The following DCBLD2 variants were observed in gnomAD, a reference collection of about 807,000 sequenced individuals.
DCBLD2 encodes the protein discoidin, CUB and LCCL domain containing 2.
A neutral mutation model predicts 86.8 loss-of-function variants in DCBLD2; 54 were observed. That is an observed-to-expected ratio of 0.62 (90% CI 0.50 to 0.78). The LOEUF (loss-of-function observed/expected upper bound fraction) is 0.78. Ranked by LOEUF, DCBLD2 falls within the 30% of genes least tolerant of loss-of-function variation. The probability of loss-of-function intolerance (pLI) is 0.00; values close to 1 mark genes in which losing one functional copy is unlikely to be tolerated. For synonymous variants in DCBLD2, 354 were observed against 341.3 expected (o/e 1.04, Z -0.41); for missense variants, 908 against 954.2 (o/e 0.95, Z 0.64).
At chr3:98,835,938 C>T (rs373347200) in intron 3 of DCBLD2, among the ~76,000 whole-genome samples, 27 of 115,048 alleles carry the variant, frequency 2.3e-4, no homozygotes, top group South Asian at 6.0e-4. Flanking sequence ...TCCTTTCTTT[C>T]TTTTTTTTTT....
chr3:98,800,347 C>T (rs1260766476), intron 15 of DCBLD2, among the ~76,000 whole-genome samples: 1 of 152,148 alleles, frequency 6.6e-6, no homozygotes, highest in Non-Finnish European at 1.5e-5. Flanking sequence ...AGTTAACATA[C>T]ATAATGCCCA....
chr3:98,839,810 AAAT>A (rs776755019), intron 3 of DCBLD2, among the ~76,000 whole-genome samples: 44 of 152,350 alleles, frequency 2.9e-4, no homozygotes, highest in Non-Finnish European at 5.0e-4. Context: ...TACTTTAGAA[AAAT>A]AATGAGAACA....
chr3:98,876,412 T>A (rs147423670), intron 2 of DCBLD2, among the ~76,000 whole-genome samples: 66 of 47,508 alleles, frequency 1.4e-3, no homozygotes, highest in East Asian at 2.2e-3. Flanking sequence ...AGATAAAAAG[T>A]AAAAAAAAAA....
At chr3:98,848,824 T>A (rs1380857755) in intron 3 of DCBLD2, among the ~76,000 whole-genome samples, 1 of 152,178 alleles carries the variant, frequency 6.6e-6, no homozygotes, top group Non-Finnish European at 1.5e-5. Flanking sequence ...AAACTGTGAA[T>A]AATAATGTTT....
chr3:98,843,532 T>C (rs1942658286), intron 3 of DCBLD2, among the ~76,000 whole-genome samples: 1 of 152,180 alleles, frequency 6.6e-6, no homozygotes, highest in African/African-American at 2.4e-5. Flanking sequence ...ATTTGGACTC[T>C]GCTAGAAAGG....
intron 2 of DCBLD2, among the ~76,000 whole-genome samples, chr3:98,853,246 T>C (rs536155407): frequency 2.0e-4 from 30 of 152,310 alleles, no homozygotes; most frequent in Admixed American, 3.9e-4. Context: ...CCTTCAAAAA[T>C]GTTTAAATTA....
At chr3:98,884,128 T>C (rs1370285846) in intron 1 of DCBLD2, among the ~76,000 whole-genome samples, 1 of 152,148 alleles carries the variant, frequency 6.6e-6, no homozygotes, top group Non-Finnish European at 1.5e-5. Context: ...AATTTTATTG[T>C]TGAATCCATA....
intron 1 of DCBLD2, among the ~76,000 whole-genome samples, chr3:98,884,745 G>C (rs1377166869): frequency 6.6e-6 from 1 of 152,054 alleles, no homozygotes; most frequent in African/African-American, 2.4e-5. Flanking sequence ...TTAGTAAATA[G>C]AAAACAAAGG....
intron 2 of DCBLD2, among the ~76,000 whole-genome samples, chr3:98,859,129 C>T (rs1435062246): frequency 6.6e-6 from 1 of 152,182 alleles, no homozygotes; most frequent in Admixed American, 6.5e-5. Context: ...TCACTCATTG[C>T]TAGCACAGCA....
intron 13 of DCBLD2, among the ~76,000 whole-genome samples, chr3:98,803,503 G>C (rs1338421107): frequency 6.6e-6 from 1 of 152,184 alleles, no homozygotes; most frequent in Non-Finnish European, 1.5e-5. Context: ...GGGAAAATTT[G>C]ACTTCCTCTT....
chr3:98,809,245 C>T (rs546600512), intron 12 of DCBLD2, among the ~76,000 whole-genome samples: 11 of 152,218 alleles, frequency 7.2e-5, no homozygotes, highest in African/African-American at 2.6e-4. Flanking sequence ...CGCTCAACCC[C>T]CTACTTGCCA....
intron 9 of DCBLD2, chr3:98,813,875 A>G (rs1941980922): frequency 6.6e-6 from 1 of 152,188 alleles, no homozygotes; most frequent in Admixed American, 6.5e-5. Context: ...GGGCACAGGA[A>G]TCTGTAAGTG....
chr3:98,834,115 T>C (rs559715499), intron 3 of DCBLD2, among the ~76,000 whole-genome samples: 57 of 151,364 alleles, frequency 3.8e-4, no homozygotes, highest in Non-Finnish European at 5.9e-4. Flanking sequence ...TTTGCTTTTT[T>C]CCATTCTCTG....
At chr3:98,854,804 T>C (rs986992796) in intron 2 of DCBLD2, among the ~76,000 whole-genome samples, 1 of 152,066 alleles carries the variant, frequency 6.6e-6, no homozygotes, top group African/African-American at 2.4e-5. Flanking sequence ...AAGGGAAAAA[T>C]GTACCTTGAC....
At chr3:98,892,494 C>A (rs115545571) in intron 1 of DCBLD2, among the ~76,000 whole-genome samples, 386 of 152,182 alleles carry the variant, frequency 2.5e-3, no homozygotes, top group African/African-American at 9.0e-3. Context: ...AGGGCCAACT[C>A]ACCCTTTCCT....
At chr3:98,897,527 A>T (rs1035996846) in intron 1 of DCBLD2, among the ~76,000 whole-genome samples, 2 of 152,158 alleles carry the variant, frequency 1.3e-5, no homozygotes, top group Non-Finnish European at 2.9e-5. Flanking sequence ...GCAGAGAGAA[A>T]TAAGTTTTTA....
chr3:98,899,308 G>A (rs907026661), intron 1 of DCBLD2, among the ~76,000 whole-genome samples: 16 of 146,742 alleles, frequency 1.1e-4, no homozygotes, highest in Non-Finnish European at 1.9e-4. Context: ...CGCCAGGCTG[G>A]AGTGCAGTGG....
chr3:98,849,744 A>T, intron 2 of DCBLD2, 146 bp from the exon 3 acceptor site: 1 of 926,582 alleles, frequency 1.1e-6, no homozygotes, highest in Non-Finnish European at 1.6e-6. Flanking sequence ...ATGATTACCA[A>T]TCATATTGCT....
rs1943853689 is a variant in DCBLD2 at position 98,901,569 on chromosome 3, C to A, written c.-243G>T. On this transcript the variant is annotated 5_prime_UTR_variant, in exon 1 of 16. Transcript: ENST00000326840. ...GCGCAGGGGAGGGGAGGGAAGGAAG[C>A]GGAGTCCTCGAGCCGCGGAGGACGG... The A allele has an allele frequency of 6.0e-6, 2 of 335,034 alleles. No homozygotes were observed. The highest frequency in any genetic ancestry group is 1.5e-4 in the South Asian group (1 of 6,720). The allele number at this position is 335,034 out of a possible 1,614,324, so 20.8% of individuals were successfully genotyped here.
Sources: gnomAD v4.1 joint callset for allele counts (sites outside exome capture counted in the v4.1 genomes callset) on GRCh38, gnomAD v4.1.1 for gene constraint, MANE v1.5 for transcripts, NCBI Gene and HGNC (gene_info 2026-07-23, HGNC 2026-07-21) for gene names.